IGLON5: variants seen among roughly 807,000 people sequenced by gnomAD.
The protein encoded by IGLON5 is IgLON family member 5, also known as Ig-like domain-containing protein ENSP00000270642.
A neutral mutation model predicts 38.2 loss-of-function variants in IGLON5; 16 were observed. The ratio of observed to expected loss-of-function variants is 0.42; its 90% confidence interval spans 0.28 to 0.64. The LOEUF is 0.64. IGLON5 is among the 30% of genes least tolerant of loss of function. The probability of loss-of-function intolerance (pLI) is 0.23; values close to 1 mark genes in which losing one functional copy is unlikely to be tolerated. For synonymous variants in IGLON5, 207 were observed against 216.4 expected (o/e 0.96, Z 0.38); for missense variants, 366 against 483.4 (o/e 0.76, Z 2.28).
rs1456849990 is a variant in IGLON5 at position 51,325,823 on chromosome 19, G to A, written c.511+358G>A. On this transcript the variant is annotated intron_variant, in intron 4 of 7. Coordinates refer to ENST00000270642, the MANE Select transcript of IGLON5 (RefSeq NM_001101372.3). The surrounding 1 kb of genome is among the most constrained non-coding windows in gnomAD (Gnocchi z 5.5). The stretch of plus-strand genomic sequence containing the variant: ...GTGCCCTAAGCCAGGCTGCACCAGC[G>A]GTCCTGCGTACATCTCTGCCTCTCT... Among the ~76,000 whole-genome samples the A allele has an allele frequency of 7.0e-6, 1 of 143,582 alleles. No homozygotes were observed. Among genetic ancestry groups the A allele is most frequent in the Non-Finnish European group, 1.5e-5 (1 of 66,362 alleles). The allele number at this position is 143,582 out of a possible 152,430, so 94.2% of individuals were successfully genotyped here.
intron 1 of IGLON5, among the ~76,000 whole-genome samples, chr19:51,321,521 C>T (rs905327180): frequency 6.6e-6 from 1 of 152,086 alleles, no homozygotes. Context: ...GTATGTGTGT[C>T]GCTGTACTCT....
Position 51,328,837 on chromosome 19 carries a change from T to G in IGLON5, c.*78T>G. On this transcript the variant is annotated 3_prime_UTR_variant, in exon 8 of 8. Coordinates refer to ENST00000270642, the MANE Select transcript of IGLON5 (RefSeq NM_001101372.3). The stretch of plus-strand genomic sequence containing the variant: ...GAGAGAAACGGGGGAGCAAGAGCCG[T>G]GGGTCTCGTGGGGGCAGAAGAGCTC... The G allele has an allele frequency of 6.1e-6, 6 of 991,132 alleles. No homozygotes were observed. Among genetic ancestry groups the G allele is most frequent in the Non-Finnish European group, 8.8e-6 (6 of 681,960 alleles). 61.4% of individuals were successfully genotyped at this position (991,132 alleles called of 1,614,324 possible). A position where few individuals can be genotyped will look rare whatever the true frequency, so the allele number is the denominator to read the frequency against.
rs762038802 is a variant in IGLON5 at position 51,323,816 on chromosome 19, G to C, written c.313G>C (p.Gly105Arg). The change falls in exon 3 of 8, where the codon GGC becomes CGC. Residue 105 changes from glycine to arginine, a missense_variant. Transcript: ENST00000270642. ...CATCCTCATCACCGAGGTGGGGCTC[G>C]GCGACGAGGGCCTCTACACCTGCTC... ...FSILITEVGL[G>R]DEGLYTCSFQ... 29 of 1,613,756 alleles carry C rather than the reference G, an allele frequency of 1.8e-5. No individual in the cohort carries two copies. The highest frequency in any genetic ancestry group is 6.7e-5 in the Admixed American group (4 of 59,996).
Position 51,319,304 on chromosome 19 carries a change from C to CGT in IGLON5, c.80-2738_80-2737dup, listed in dbSNP as rs3077027. 5.0e-3 allele frequency among the ~76,000 whole-genome samples: 746 copies of CGT among 149,482 alleles called. 5 individuals are homozygous for CGT. The highest frequency in any genetic ancestry group is 6.9e-3 in the Middle Eastern group (2 of 290). ...GACTTTCCAATTCCCTGTGTGTGTG[C>CGT]GTGTGTGTGTGTGTGTGTGTGTGCG... On this transcript the variant is annotated intron_variant, in intron 1 of 7. Coordinates refer to ENST00000270642, the MANE Select transcript of IGLON5 (RefSeq NM_001101372.3).
Position 51,328,666 on chromosome 19 carries a change from C to A in IGLON5, c.923-5C>A. 6.4e-7 allele frequency: 1 copy of A among 1,561,204 alleles called. No homozygotes were observed. The highest frequency in any genetic ancestry group is 2.3e-5 in the East Asian group (1 of 42,590). On this transcript the variant is annotated splice_region_variant and splice_polypyrimidine_tract_variant and intron_variant, in intron 7 of 7. Coordinates refer to ENST00000270642, the MANE Select transcript of IGLON5 (RefSeq NM_001101372.3). ...CTCCCTCCATGACCCCTTCTCTTCC[C>A]CCAGGCCCAGGATCCCTGGAGAACT...
At chr19:51,323,534 C>G in intron 2 of IGLON5, 128 bp from the exon 3 acceptor site, 1 of 734,146 alleles carries the variant, frequency 1.4e-6, no homozygotes, top group South Asian at 1.8e-5. Flanking sequence ...GGCACAGCAG[C>G]ATCCGCCTCA....
rs12979633 is a variant in IGLON5, at chr19:51,325,594, G to A, written c.511+129G>A. 0.11 allele frequency: 107,169 copies of A among 1,008,438 alleles called. 6,626 individuals carry two copies. Among genetic ancestry groups the A allele is most frequent in the East Asian group, 0.24 (8,630 of 35,616 alleles). 62.5% of individuals were successfully genotyped at this position (1,008,438 alleles called of 1,614,324 possible). On this transcript the variant is annotated intron_variant, in intron 4 of 7. Transcript: ENST00000270642. This position sits in a 1 kb window ranked among gnomAD's most constrained non-coding sequence, Gnocchi z 5.5. ...GCCCCTTGGCTTCCCCTCCCACTCT[G>A]CTTCCAGTTATTTCATCCACAGACC... is the stretch of plus-strand genomic sequence containing the variant.
At chr19:51,326,671 C>G (rs1985221999) in intron 4 of IGLON5, 93 bp from the exon 5 acceptor site, 1 of 935,650 alleles carries the variant, frequency 1.1e-6, no homozygotes, top group Non-Finnish European at 1.6e-6. Flanking sequence ...TTGCCGTGCC[C>G]GCCCCGCTGA....
chr19:51,320,604 A>G (rs1321866353), intron 1 of IGLON5, among the ~76,000 whole-genome samples: 1 of 152,174 alleles, frequency 6.6e-6, no homozygotes, highest in African/African-American at 2.4e-5. Flanking sequence ...ATGGGCTCAC[A>G]CCTGCAAGCA....
rs1412669122 is a variant in IGLON5, at chr19:51,324,424, G to C, written c.391+530G>C. On this transcript the variant is annotated intron_variant, in intron 3 of 7. Transcript: ENST00000270642. This position sits in a 1 kb window ranked among gnomAD's most constrained non-coding sequence, Gnocchi z 4.2. ...CCAGAGCAGGAGAGATGGGGCTGGA[G>C]AGCTCCACAGTGAGGCGAGAGGCAG... Among the ~76,000 whole-genome samples the C allele has an allele frequency of 6.6e-6, 1 of 152,206 alleles. No homozygotes were observed. Among genetic ancestry groups the C allele is most frequent in the East Asian group, 1.9e-4 (1 of 5,170 alleles).
At position 51,311,676 on chromosome 19, in the gene IGLON5, A is replaced by T. The variant is rs1485578032; in HGVS notation, c.-172A>T. On this transcript the variant is annotated 5_prime_UTR_variant, in exon 1 of 8. Transcript: ENST00000270642. Reference sequence around the variant, plus strand: ...CCGCCCCCCTCCCCGGGTCTGCAGCAGCTCCAGCCGCCTCGTCGCGCCCCC... The same window carrying T: ...CCGCCCCCCTCCCCGGGTCTGCAGCTGCTCCAGCCGCCTCGTCGCGCCCCC... 9.0e-6 allele frequency among the ~76,000 whole-genome samples: 1 copy of T among 110,988 alleles called. No individual in the cohort carries two copies. Among genetic ancestry groups the T allele is most frequent in the Non-Finnish European group, 1.9e-5 (1 of 53,554 alleles). The allele number at this position is 110,988 out of a possible 152,430, so 72.8% of individuals were successfully genotyped here. A position where few individuals can be genotyped will look rare whatever the true frequency, so the allele number is the denominator to read the frequency against.
chr19:51,327,878 G>C lies in IGLON5; in HGVS notation c.914G>C (p.Arg305Pro). 2 of 1,517,448 alleles carry C rather than the reference G, an allele frequency of 1.3e-6. No homozygotes were observed. The highest frequency in any genetic ancestry group is 1.4e-5 in the African/African-American group (1 of 71,180). 94.0% of individuals were successfully genotyped at this position (1,517,448 alleles called of 1,614,324 possible). A position where few individuals can be genotyped will look rare whatever the true frequency, so the allele number is the denominator to read the frequency against. ...NRLGASSASMRLLRPGSLENS... is the reference protein window; with the variant it reads ...NRLGASSASMPLLRPGSLENS... Reference sequence around the variant, plus strand: ...CTGGGAGCGTCCAGCGCCTCCATGCGGCTCCTGCGTGCGTCTTCGGGCGGG... The same window carrying C: ...CTGGGAGCGTCCAGCGCCTCCATGCCGCTCCTGCGTGCGTCTTCGGGCGGG... The change falls in exon 7 of 8, where the codon CGG (arginine) becomes CCG (proline). Residue 305 changes from arginine (R) to proline (P), a missense_variant. Coordinates refer to ENST00000270642, the MANE Select transcript of IGLON5 (RefSeq NM_001101372.3). This position sits in a 1 kb window ranked among gnomAD's most constrained non-coding sequence, Gnocchi z 7.1.
chr19:51,313,409 GCA>G (rs973006709), intron 1 of IGLON5, among the ~76,000 whole-genome samples: 4 of 152,198 alleles, frequency 2.6e-5, no homozygotes, highest in African/African-American at 7.2e-5. Context: ...GCTGCTGACA[GCA>G]CAGTTCCACA....
chr19:51,320,388 C>G (rs1377990090), intron 1 of IGLON5, among the ~76,000 whole-genome samples: 1 of 152,204 alleles, frequency 6.6e-6, no homozygotes, highest in Non-Finnish European at 1.5e-5. Context: ...GGGGGCAGGG[C>G]AGCCCCGCGC....
At chr19:51,323,182 G>GTCTCTC (rs146673897) in intron 2 of IGLON5, among the ~76,000 whole-genome samples, 2 of 119,486 alleles carry the variant, frequency 1.7e-5, no homozygotes, top group African/African-American at 3.3e-5. Flanking sequence ...CTCTCTCTGG[G>GTCTCTC]TCTCTCTCTC....
chr19:51,321,489 A>G (rs2123523442), intron 1 of IGLON5, among the ~76,000 whole-genome samples: 1 of 152,188 alleles, frequency 6.6e-6, no homozygotes, highest in Non-Finnish European at 1.5e-5. Context: ...GTATCTATGT[A>G]ATTGTTAATC....
At chr19:51,318,087 C>T (rs1163898999) in intron 1 of IGLON5, among the ~76,000 whole-genome samples, 1 of 152,210 alleles carries the variant, frequency 6.6e-6, no homozygotes, top group Non-Finnish European at 1.5e-5. Flanking sequence ...CTAAGTCAAA[C>T]AGTGCCCAGA....
In IGLON5 at chr19:51,324,285, C is replaced by T. The variant is rs543578339; in HGVS notation, c.391+391C>T. Reference sequence around the variant, plus strand: ...TTCCCAGACGTGACGTCTGAGCTGACGCCTTTGGCTGGGCACAGGGCTAAG... The same window carrying T: ...TTCCCAGACGTGACGTCTGAGCTGATGCCTTTGGCTGGGCACAGGGCTAAG... On this transcript the variant is annotated intron_variant, in intron 3 of 7. Transcript: ENST00000270642. This position sits in a 1 kb window ranked among gnomAD's most constrained non-coding sequence, Gnocchi z 4.2. 7.2e-5 allele frequency among the ~76,000 whole-genome samples: 11 copies of T among 152,300 alleles called. No homozygotes were observed. The highest frequency in any genetic ancestry group is 2.6e-4 in the Admixed American group (4 of 15,300).
chr19:51,313,584 TTTCCTTCTTTC>T (rs1984822270), intron 1 of IGLON5, among the ~76,000 whole-genome samples: 1 of 131,714 alleles, frequency 7.6e-6, no homozygotes, highest in African/African-American at 3.4e-5. Flanking sequence ...TTTCTTTCTC[TTTCCTTCTTTC>T]TCTTTCCTTC....
Sources: allele counts gnomAD v4.1 joint callset (sites outside exome capture counted in the v4.1 genomes callset), GRCh38; gene constraint gnomAD v4.1.1; non-coding constraint Gnocchi (gnomAD v3.1); transcripts MANE v1.5; gene names NCBI Gene and HGNC (gene_info 2026-07-23, HGNC 2026-07-21).